GSTCD: variants seen among roughly 807,000 people sequenced by gnomAD.
The protein encoded by GSTCD is glutathione S-transferase C-terminal domain containing.
Under a neutral mutation model 68.3 loss-of-function variants are expected in GSTCD, and 44 were observed. That is an observed-to-expected ratio of 0.64 (90% confidence interval 0.51 to 0.83). The LOEUF is 0.83. GSTCD is among the 40% of genes least tolerant of loss of function. The pLI, the probability that GSTCD is intolerant of heterozygous loss-of-function variation, is 0.00. For synonymous variants in GSTCD, 273 were observed against 255.2 expected (o/e 1.07, Z -0.67); for missense variants, 739 against 735.9 (o/e 1.00, Z -0.05).
At chr4:105,798,739 A>G (rs1735997447) in intron 5 of GSTCD, among the ~76,000 whole-genome samples, 1 of 152,248 alleles carries the variant, frequency 6.6e-6, no homozygotes, top group Non-Finnish European at 1.5e-5. Context: ...CAGGTATTCC[A>G]TTTCTAGAAT....
chr4:105,718,345 A>G (rs1246288485), intron 2 of GSTCD, among the ~76,000 whole-genome samples: 1 of 152,082 alleles, frequency 6.6e-6, no homozygotes, highest in Non-Finnish European at 1.5e-5. Flanking sequence ...TTCTTGCTCT[A>G]TTAGTTCATG....
intron 1 of GSTCD, among the ~76,000 whole-genome samples, chr4:105,710,152 A>G (rs56843185): frequency 0.067 from 10,028 of 150,654 alleles, 346 homozygotes; most frequent in Middle Eastern, 0.11. Flanking sequence ...TTTTTATTTT[A>G]TATACTTTGC....
Position 105,748,524 on chromosome 4 carries a change from G to A in GSTCD, c.1240+19025G>A, listed in dbSNP as rs1406613559. Among the ~76,000 whole-genome samples, 8 of 151,960 alleles carry A rather than the reference G, an allele frequency of 5.3e-5. No homozygotes were observed. The South Asian group carries it at 1.0e-3, about 20-fold the overall frequency. ...GCTTTGTCAAAATGTTATTTAAAGT[G>A]TTTATTTAAACTTATTTTTAATCTG... On this transcript the variant is annotated intron_variant, in intron 5 of 11. Coordinates refer to ENST00000515279, the MANE Select transcript of GSTCD (RefSeq NM_001370181.1).
rs781630130 is a variant in GSTCD, at chr4:105,719,093, A to G, written c.460A>G (p.Ile154Val). ...GTGGACCAGGCTATGTGAACTCACC[A>G]TCCCTTTGGCTATTGAGAATTTTCT... ...SQWTRLCELT[I>V]PLAIENFLRE... is the part of the protein sequence containing the mutation. The change falls in exon 3 of 12, where the codon ATC becomes GTC. Residue 154 changes from isoleucine to valine, a missense_variant. By Grantham distance (29) the Ile-to-Val change is conservative (BLOSUM62 3). Coordinates refer to ENST00000515279, the MANE Select transcript of GSTCD (RefSeq NM_001370181.1). The G allele has an allele frequency of 6.2e-7, 1 of 1,614,080 alleles. No homozygotes were observed. Among genetic ancestry groups the G allele is most frequent in the Non-Finnish European group, 8.5e-7 (1 of 1,179,974 alleles).
chr4:105,797,853 C>G (rs1456375969), intron 5 of GSTCD, among the ~76,000 whole-genome samples: 1 of 147,008 alleles, frequency 6.8e-6, no homozygotes, highest in Non-Finnish European at 1.5e-5. Flanking sequence ...TGGCTCACTG[C>G]AACCTCCGCC....
chr4:105,842,177 A>G lies in GSTCD; in HGVS notation c.1765+43A>G, dbSNP rs772595864. Reference sequence around the variant, plus strand: ...GCAGCTGTTGAGTGTATTATGCACAATATGACTGGGAATGATTGGACCAAG... The same window carrying G: ...GCAGCTGTTGAGTGTATTATGCACAGTATGACTGGGAATGATTGGACCAAG... On this transcript the variant is annotated intron_variant, in intron 11 of 11. Coordinates refer to ENST00000515279, the MANE Select transcript of GSTCD (RefSeq NM_001370181.1). 4.0e-6 allele frequency: 6 copies of G among 1,481,964 alleles called. No homozygotes were observed. In the Admixed American group the frequency reaches 5.1e-5, roughly 12 times the overall value. 91.8% of individuals were successfully genotyped at this position (1,481,964 alleles called of 1,614,324 possible). A position where few individuals can be genotyped will look rare whatever the true frequency, so the allele number is the denominator to read the frequency against.
chr4:105,810,401 A>G (rs1722706142), intron 5 of GSTCD, among the ~76,000 whole-genome samples: 1 of 152,144 alleles, frequency 6.6e-6, no homozygotes, highest in Non-Finnish European at 1.5e-5. Flanking sequence ...ATGCAGATAC[A>G]CAAATGTTAC....
At position 105,726,648 on chromosome 4, in the gene GSTCD, A is replaced by G; in HGVS notation, c.964A>G (p.Ile322Val). The part of the protein sequence containing the change: ...FPLLASWYQR[I>V]QEVPGVKTAA... ...ATTGCTAGCCTCTTGGTACCAGAGG[A>G]TTCAGGAAGTGCCAGGAGTAAAAAC... Residue 322 changes from isoleucine to valine, a missense_variant, in exon 4 of 12, where the codon ATT (isoleucine) becomes GTT (valine). Coordinates refer to ENST00000515279, the MANE Select transcript of GSTCD (RefSeq NM_001370181.1). 1 of 1,613,572 alleles carries G rather than the reference A, an allele frequency of 6.2e-7. No individual in the cohort carries two copies. The highest frequency in any genetic ancestry group is 8.5e-7 in the Non-Finnish European group (1 of 1,179,616).
At chr4:105,806,509 T>A (rs1450812347) in intron 5 of GSTCD, among the ~76,000 whole-genome samples, 2 of 152,240 alleles carry the variant, frequency 1.3e-5, no homozygotes, top group Non-Finnish European at 2.9e-5. Context: ...ACTCTGAACC[T>A]ATCAATTAAA....
chr4:105,825,068 GT>G (rs1217192072), intron 7 of GSTCD, among the ~76,000 whole-genome samples: 1 of 151,816 alleles, frequency 6.6e-6, no homozygotes, highest in Non-Finnish European at 1.5e-5. Flanking sequence ...TTGATGTTTT[GT>G]TTTTGGTTTT....
At chr4:105,840,287 G>T in intron 10 of GSTCD, 3 of 425,200 alleles carry the variant, frequency 7.1e-6, no homozygotes, top group Non-Finnish European at 9.5e-6. Context: ...TTCAAATCAT[G>T]TAATTCTAAA....
At chr4:105,737,451 T>C (rs917062118) in intron 5 of GSTCD, among the ~76,000 whole-genome samples, 4 of 152,226 alleles carry the variant, frequency 2.6e-5, no homozygotes, top group Admixed American at 2.0e-4. Context: ...ACTTTGTTGA[T>C]TGTTTCCTTT....
intron 5 of GSTCD, among the ~76,000 whole-genome samples, chr4:105,817,668 G>T (rs565295336): frequency 2.0e-5 from 3 of 151,936 alleles, no homozygotes; most frequent in African/African-American, 7.2e-5. Flanking sequence ...AAACAAAGTT[G>T]CCCTAACCTA....
At chr4:105,709,253 T>C (rs1732431285) in intron 1 of GSTCD, 1 of 152,176 alleles carries the variant, frequency 6.6e-6, no homozygotes, top group Non-Finnish European at 1.5e-5. Flanking sequence ...CGTTTCCCAG[T>C]TTCCCCCTAG....
chr4:105,788,599 A>C (rs1735550365), intron 5 of GSTCD, among the ~76,000 whole-genome samples: 1 of 152,014 alleles, frequency 6.6e-6, no homozygotes, highest in African/African-American at 2.4e-5. Flanking sequence ...CTTATTGAGT[A>C]TATCTCACTT....
chr4:105,768,028 T>TA (rs201536710), intron 5 of GSTCD, among the ~76,000 whole-genome samples: 15 of 150,666 alleles, frequency 1.0e-4, no homozygotes, highest in African/African-American at 2.7e-4. Flanking sequence ...AGAAATAGTG[T>TA]AAAAAAAAAA....
chr4:105,729,382 G>A (rs771042963), intron 4 of GSTCD, 24 bp from the exon 5 acceptor site: 6 of 1,455,238 alleles, frequency 4.1e-6, no homozygotes, highest in Non-Finnish European at 5.7e-6. Flanking sequence ...CCTTAATTTA[G>A]AAAGAGGCTA....
intron 5 of GSTCD, among the ~76,000 whole-genome samples, chr4:105,742,816 G>A (rs1432259926): frequency 6.6e-6 from 1 of 151,322 alleles, no homozygotes; most frequent in Non-Finnish European, 1.5e-5. Flanking sequence ...TTGAGTGCAA[G>A]CAATCCTCCC....
chr4:105,815,849 C>T (rs777639891), intron 5 of GSTCD, among the ~76,000 whole-genome samples: 118 of 152,240 alleles, frequency 7.8e-4, no homozygotes, highest in Non-Finnish European at 1.6e-3. Context: ...TTGTGGGCAA[C>T]TTAGACAATA....
Sources: gnomAD v4.1 joint callset for allele counts (sites outside exome capture counted in the v4.1 genomes callset) on GRCh38, gnomAD v4.1.1 for gene constraint, MANE v1.5 for transcripts, NCBI Gene and HGNC (gene_info 2026-07-23, HGNC 2026-07-21) for gene names.